The following RALYL variants were observed in gnomAD, a reference collection of about 807,000 sequenced individuals.
RALYL encodes the protein RNA-binding Raly-like protein.
RALYL carries 29 observed loss-of-function variants against 35.1 expected under a neutral mutation model. The ratio of observed to expected loss-of-function variants is 0.83; its 90% confidence interval spans 0.61 to 1.13. The LOEUF (loss-of-function observed/expected upper bound fraction) is 1.13, where lower values mean the gene tolerates loss of function less well. Among genes scored for constraint, RALYL ranks in the 50% most tolerant of loss-of-function variants. The pLI is 0.00. For missense variants in RALYL, 359 were observed against 360.4 expected (o/e 1.00, Z 0.03); for synonymous variants, 120 against 127.6 (o/e 0.94, Z 0.40).
At chr8:84,386,773 ACT>A (rs1859295203) in intron 1 of RALYL, among the ~76,000 whole-genome samples, 1 of 151,426 alleles carries the variant, frequency 6.6e-6, no homozygotes, top group African/African-American at 2.4e-5. Flanking sequence ...TCATAATATC[ACT>A]CTTTCCTACC....
At chr8:84,811,346 A>G (rs543959383) in intron 4 of RALYL, among the ~76,000 whole-genome samples, 5 of 152,246 alleles carry the variant, frequency 3.3e-5, no homozygotes, top group Admixed American at 2.6e-4. Flanking sequence ...TAGGACCCCA[A>G]TCCCTTCTAG....
At chr8:84,301,401 T>C (rs1840758039) in intron 1 of RALYL, among the ~76,000 whole-genome samples, 1 of 152,156 alleles carries the variant, frequency 6.6e-6, no homozygotes, top group Non-Finnish European at 1.5e-5. Context: ...AGGAGGTCTC[T>C]GCATTTCCTG....
At chr8:84,551,740 A>T (rs888532815) in intron 2 of RALYL, among the ~76,000 whole-genome samples, 1 of 152,174 alleles carries the variant, frequency 6.6e-6, no homozygotes, top group Non-Finnish European at 1.5e-5. Context: ...AGAGCCACGT[A>T]TAATTTATTC....
intron 3 of RALYL, among the ~76,000 whole-genome samples, 155 bp from the exon 4 acceptor site, chr8:84,804,615 T>C (rs1824156916): frequency 6.6e-6 from 1 of 152,284 alleles, no homozygotes; most frequent in East Asian, 1.9e-4. Flanking sequence ...TAGTCCAGAT[T>C]AGGTCTTAGT....
chr8:84,269,938 A>G (rs540169166), intron 1 of RALYL, among the ~76,000 whole-genome samples: 198 of 152,268 alleles, frequency 1.3e-3, no homozygotes, highest in Non-Finnish European at 2.3e-3. Flanking sequence ...CCAAAATTTT[A>G]AAGAGTAAAT....
intron 2 of RALYL, among the ~76,000 whole-genome samples, chr8:84,681,074 G>A (rs896042438): frequency 4.6e-5 from 7 of 152,024 alleles, no homozygotes; most frequent in African/African-American, 1.7e-4. Context: ...CATATGGCTA[G>A]CCAGTTTTCC....
intron 1 of RALYL, among the ~76,000 whole-genome samples, chr8:84,487,230 G>A (rs1414486738): frequency 6.6e-6 from 1 of 151,974 alleles, no homozygotes; most frequent in Non-Finnish European, 1.5e-5. Flanking sequence ...GTTTTTTAGA[G>A]CTTAGATCAA....
intron 2 of RALYL, among the ~76,000 whole-genome samples, chr8:84,632,991 A>G (rs1232523852): frequency 6.6e-6 from 1 of 151,886 alleles, no homozygotes; most frequent in Non-Finnish European, 1.5e-5. Context: ...TATCTATCCC[A>G]CAAATGTTTA....
In RALYL at chr8:84,484,193, A is replaced by G. The variant is rs1004177842; in HGVS notation, c.-23-45106A>G. Among the ~76,000 whole-genome samples, 15 of 152,260 alleles carry G rather than the reference A, an allele frequency of 9.9e-5. No homozygotes were observed. The East Asian group carries it at 2.7e-3, about 27-fold the overall frequency. On this transcript the variant is annotated intron_variant, in intron 1 of 8. Transcript: ENST00000521268. ...TTAACATTGAATAACAAATTCAAAA[A>G]CTTTAACATTCAATAAACTTTAACA...
chr8:84,343,630 AT>A (rs1411355576), intron 1 of RALYL, among the ~76,000 whole-genome samples: 1 of 151,636 alleles, frequency 6.6e-6, no homozygotes, highest in Non-Finnish European at 1.5e-5. Flanking sequence ...TTATTTATTT[AT>A]TTTATTTCAT....
intron 1 of RALYL, among the ~76,000 whole-genome samples, chr8:84,341,721 T>C (rs553500958): frequency 2.0e-5 from 3 of 152,058 alleles, no homozygotes; most frequent in African/African-American, 7.2e-5. Context: ...ATAGAACCCA[T>C]AGAAGCTTCT....
chr8:84,419,685 G>A (rs1480242483), intron 1 of RALYL, among the ~76,000 whole-genome samples: 4 of 138,670 alleles, frequency 2.9e-5, no homozygotes, highest in Non-Finnish European at 4.7e-5. Flanking sequence ...TCCCAATGCT[G>A]TCCCTCCCCC....
At chr8:84,604,755 G>A (rs1393479242) in intron 2 of RALYL, among the ~76,000 whole-genome samples, 1 of 152,050 alleles carries the variant, frequency 6.6e-6, no homozygotes, top group Admixed American at 6.6e-5. Flanking sequence ...TTCGGGATTT[G>A]TTACCAAGAG....
chr8:84,299,477 C>T (rs1487311302), intron 1 of RALYL, among the ~76,000 whole-genome samples: 1 of 151,816 alleles, frequency 6.6e-6, no homozygotes, highest in Admixed American at 6.6e-5. Flanking sequence ...TGATACTGGC[C>T]TCATAGAATG....
At chr8:84,689,174 C>T (rs1450657442) in intron 2 of RALYL, among the ~76,000 whole-genome samples, 1 of 152,012 alleles carries the variant, frequency 6.6e-6, no homozygotes, top group Non-Finnish European at 1.5e-5. Flanking sequence ...GTGCGCTGCA[C>T]CCACTAACTC....
intron 4 of RALYL, among the ~76,000 whole-genome samples, chr8:84,830,897 T>C (rs1047159927): frequency 1.3e-5 from 2 of 152,064 alleles, no homozygotes; most frequent in Non-Finnish European, 2.9e-5. Context: ...ATATGGAAAA[T>C]ATCAGTTAAC....
chr8:84,786,016 G>T (rs1184757168), intron 3 of RALYL, among the ~76,000 whole-genome samples: 3 of 152,096 alleles, frequency 2.0e-5, no homozygotes, highest in Admixed American at 6.5e-5. Flanking sequence ...AGTGTGTTTT[G>T]TTCCCCACCT....
intron 1 of RALYL, among the ~76,000 whole-genome samples, chr8:84,231,230 T>C (rs922771884): frequency 2.0e-5 from 3 of 152,142 alleles, no homozygotes; most frequent in African/African-American, 4.8e-5. Context: ...AAATGTTGGA[T>C]GGATGAGAGA....
At chr8:84,686,111 A>G (rs1348311530) in intron 2 of RALYL, among the ~76,000 whole-genome samples, 2 of 152,182 alleles carry the variant, frequency 1.3e-5, no homozygotes, top group Non-Finnish European at 2.9e-5. Context: ...ATGCATAAGT[A>G]ACCTTAATTT....
Sources: allele counts gnomAD v4.1 joint callset (sites outside exome capture counted in the v4.1 genomes callset), GRCh38; gene constraint gnomAD v4.1.1; transcripts MANE v1.5; gene names NCBI Gene and HGNC (gene_info 2026-07-23, HGNC 2026-07-21).